Variants in TTYH3 observed in about 807,000 individuals in gnomAD.
TTYH3 encodes protein tweety homolog 3.
Under a neutral mutation model 68.2 loss-of-function variants are expected in TTYH3, and 23 were observed. The observed-to-expected ratio is 0.34, with a 90% CI of 0.24 to 0.48. The LOEUF is 0.48. Among genes scored for constraint, TTYH3 ranks in the 20% least tolerant of loss-of-function variants. TTYH3 has a pLI of 0.99. For missense variants in TTYH3, 768 were observed against 727.7 expected (o/e 1.06, Z -0.64); for synonymous variants, 360 against 332.8 (o/e 1.08, Z -0.89).
rs1785538968 is a variant in TTYH3, at chr7:2,632,166, T to A, written c.11T>A (p.Val4Asp). The A allele has an allele frequency of 6.8e-7, 1 of 1,468,494 alleles. No homozygotes were observed. 91.0% of individuals were successfully genotyped at this position (1,468,494 alleles called of 1,614,324 possible). The change falls in exon 1 of 14, where the codon GTC becomes GAC. Residue 4 changes from valine (V) to aspartate (D), a missense_variant. Transcript: ENST00000258796. The part of the protein sequence containing the change: MAG[V>D]SYAAPWWVSL... ...CGGCCGGGCCCCGCCATGGCCGGGG[T>A]CAGCTACGCGGCGCCCTGGTGGGTG...
At chr7:2,655,060 C>T (rs927645286) in intron 9 of TTYH3, among the ~76,000 whole-genome samples, 1 of 152,250 alleles carries the variant, frequency 6.6e-6, no homozygotes, top group Non-Finnish European at 1.5e-5. Flanking sequence ...TTCTGAGGTC[C>T]TGGGGGTTCA....
chr7:2,644,413 T>A (rs1234390999), intron 1 of TTYH3, among the ~76,000 whole-genome samples: 1 of 152,176 alleles, frequency 6.6e-6, no homozygotes, highest in Non-Finnish European at 1.5e-5. Flanking sequence ...ACTGTTAATA[T>A]GAGGCCCTGC....
At chr7:2,646,261 C>G (rs923784724) in intron 1 of TTYH3, among the ~76,000 whole-genome samples, 1 of 152,174 alleles carries the variant, frequency 6.6e-6, no homozygotes, top group African/African-American at 2.4e-5. Context: ...GTGATCCGCC[C>G]GCCTCGGCCT....
intron 1 of TTYH3, among the ~76,000 whole-genome samples, chr7:2,636,249 G>A (rs1279176269): frequency 6.6e-6 from 1 of 152,226 alleles, no homozygotes; most frequent in Admixed American, 6.5e-5. Context: ...CCACTCATCA[G>A]AAGGAAATGA....
rs749531151 is a variant in TTYH3 at position 2,647,072 on chromosome 7, GA to G, written c.293+51del. 7.2e-6 allele frequency: 11 copies of G among 1,529,960 alleles called. No individual in the cohort carries two copies. In the African/African-American group the frequency reaches 9.6e-5, roughly 13 times the overall value. 94.8% of individuals were successfully genotyped at this position (1,529,960 alleles called of 1,614,324 possible). ...AGGGCGGGGCCAGAGGGGGCGGCCC[GA>G]GGGGGCGGGGCTGGAGTGGGGTGTG... On this transcript the variant is annotated intron_variant, in intron 2 of 13. Coordinates refer to ENST00000258796, the MANE Select transcript of TTYH3 (RefSeq NM_025250.3).
At position 2,647,215 on chromosome 7, in the gene TTYH3, C is replaced by T. The variant is rs753641296; in HGVS notation, c.367C>T (p.Arg123Cys). 1.2e-6 allele frequency: 2 copies of T among 1,602,798 alleles called. No homozygotes were observed. Among genetic ancestry groups the T allele is most frequent in the East Asian group, 4.5e-5 (2 of 44,512 alleles). ...CATCCATAGGGCCACCTACTCGCTC[C>T]GCCACGCCAACCGCACGGTGGCCGG... Reference protein sequence around the residue: ...DGIHRATYSLRHANRTVAGVQ... With the variant: ...DGIHRATYSLCHANRTVAGVQ... Residue 123 changes from arginine to cysteine, a missense_variant, in exon 3 of 14, where the codon CGC becomes TGC. Physicochemically the swap from Arg to Cys is radical, Grantham distance 180 (BLOSUM62 -3). Transcript: ENST00000258796.
chr7:2,636,466 G>A (rs1785659559), intron 1 of TTYH3, among the ~76,000 whole-genome samples: 1 of 152,116 alleles, frequency 6.6e-6, no homozygotes, highest in Non-Finnish European at 1.5e-5. Flanking sequence ...TCGTACTTTG[G>A]ACCGTGTTCC....
intron 1 of TTYH3, among the ~76,000 whole-genome samples, chr7:2,636,336 A>T (rs895977555): frequency 6.6e-6 from 1 of 152,232 alleles, no homozygotes; most frequent in Non-Finnish European, 1.5e-5. Flanking sequence ...TTCATGGAAC[A>T]TTTGGGGAAA....
intron 1 of TTYH3, among the ~76,000 whole-genome samples, chr7:2,642,688 A>C (rs953117517): frequency 1.3e-5 from 2 of 151,222 alleles, no homozygotes; most frequent in African/African-American, 4.9e-5. Context: ...TGATCGTGCC[A>C]CTGCACTCCA....
In TTYH3 at chr7:2,647,246, A is replaced by T. The variant is rs1786020348; in HGVS notation, c.398A>T (p.Gln133Leu). ...GCCAACCGCACGGTGGCCGGGGTCC[A>T]GGACCGCGTGAGTGGCCGCGGAGTT... ...RHANRTVAGV[Q>L]DRVWDTAVGL... The change falls in exon 3 of 14, where the codon CAG becomes CTG. Residue 133 changes from glutamine (Q) to leucine (L), a missense_variant. By Grantham distance (113) the Gln-to-Leu change is moderately radical (BLOSUM62 -2). Transcript: ENST00000258796. 13 of 1,587,748 alleles carry T rather than the reference A, an allele frequency of 8.2e-6. No individual in the cohort carries two copies. The highest frequency in any genetic ancestry group is 1.1e-5 in the Non-Finnish European group (13 of 1,171,058).
chr7:2,639,872 C>A (rs1020420124), intron 1 of TTYH3, among the ~76,000 whole-genome samples: 27 of 152,186 alleles, frequency 1.8e-4, no homozygotes, highest in Non-Finnish European at 3.8e-4. Flanking sequence ...CACCCCTTCT[C>A]TGGCCACCGG....
At chr7:2,649,441 GAGCCCC>G in intron 5 of TTYH3, 120 bp from the exon 6 acceptor site, 1 of 913,278 alleles carries the variant, frequency 1.1e-6, no homozygotes, top group Middle Eastern at 3.3e-4. Context: ...GCCACAGGAA[GAGCCCC>G]AGCCCATGTG....
intron 5 of TTYH3, 146 bp from the exon 6 acceptor site, chr7:2,649,421 C>G: frequency 1.3e-6 from 1 of 773,342 alleles, no homozygotes; most frequent in Middle Eastern, 3.7e-4. Flanking sequence ...GCAGCTCTGG[C>G]TGAGGCCAGG....
chr7:2,649,888 T>G, intron 6 of TTYH3, 25 bp from the exon 7 acceptor site: 1 of 1,613,108 alleles, frequency 6.2e-7, no homozygotes, highest in Non-Finnish European at 8.5e-7. Flanking sequence ...GGTCAACCCC[T>G]CTTGCTTGCC....
intron 1 of TTYH3, 33 bp from the exon 2 acceptor site, chr7:2,646,812 GGGGGTCCA>G (rs745906302): frequency 1.9e-6 from 3 of 1,567,398 alleles, no homozygotes; most frequent in Non-Finnish European, 2.6e-6. Flanking sequence ...ACTCTGAGCT[GGGGGTCCA>G]CCCCTCCAGC....
intron 12 of TTYH3, 141 bp from the exon 13 acceptor site, chr7:2,658,799 T>A: frequency 1.2e-6 from 1 of 842,120 alleles, no homozygotes; most frequent in South Asian, 1.6e-5. Flanking sequence ...AGCCCTTTGT[T>A]ACTGTGCTGG....
At chr7:2,648,393 C>T (rs1786060631) in intron 5 of TTYH3, 1 of 264,834 alleles carries the variant, frequency 3.8e-6, no homozygotes, top group Non-Finnish European at 7.1e-6. Flanking sequence ...TTCCTCCACC[C>T]CTTCCATCCT....
chr7:2,635,676 T>A (rs1785638472), intron 1 of TTYH3, among the ~76,000 whole-genome samples: 1 of 152,216 alleles, frequency 6.6e-6, no homozygotes, highest in Non-Finnish European at 1.5e-5. Context: ...TGCTCATTTC[T>A]GACTCCTCCA....
intron 1 of TTYH3, among the ~76,000 whole-genome samples, chr7:2,636,023 T>G (rs1259264930): frequency 1.3e-5 from 2 of 152,216 alleles, no homozygotes; most frequent in Non-Finnish European, 2.9e-5. Context: ...TGGTGAGCCC[T>G]CTGTTCCAGG....
Sources: gnomAD v4.1 joint callset for allele counts (sites outside exome capture counted in the v4.1 genomes callset) on GRCh38, gnomAD v4.1.1 for gene constraint, MANE v1.5 for transcripts, NCBI Gene and HGNC (gene_info 2026-07-23, HGNC 2026-07-21) for gene names.